OR2A14: variants seen among roughly 807,000 people sequenced by gnomAD.
OR2A14 encodes the protein olfactory receptor family 2 subfamily A member 14.
OR2A14 carries 2 observed loss-of-function variants against 2.4 expected under a neutral mutation model. The observed-to-expected ratio is 0.85, with a 90% CI of 0.35 to 2.67. OR2A14 has a LOEUF of 2.67. Among genes scored for constraint, OR2A14 ranks in the 30% most tolerant of loss-of-function variants. OR2A14 has a pLI of 0.10. For missense variants in OR2A14, 390 were observed against 379.4 expected (o/e 1.03, Z -0.23); for synonymous variants, 160 against 156.3 (o/e 1.02, Z -0.18).
At chr7:144,128,792 A>T (rs1371838704) in intron 1 of OR2A14, among the ~76,000 whole-genome samples, 1 of 152,254 alleles carries the variant, frequency 6.6e-6, no homozygotes, top group African/African-American at 2.4e-5. Context: ...GAGTTCTTCA[A>T]AATAACACAT....
intron 1 of OR2A14, among the ~76,000 whole-genome samples, chr7:144,128,200 C>A (rs1045977122): frequency 6.6e-6 from 1 of 152,104 alleles, no homozygotes; most frequent in Non-Finnish European, 1.5e-5. Flanking sequence ...AGAAAAGAGT[C>A]CAATAAAATA....
intron 1 of OR2A14, among the ~76,000 whole-genome samples, chr7:144,124,079 C>G (rs2051464635): frequency 6.6e-6 from 1 of 152,162 alleles, no homozygotes; most frequent in South Asian, 2.1e-4. Context: ...TGAAGAGGCA[C>G]AGAGAAGTCA....
At position 144,129,289 on chromosome 7, in the gene OR2A14, C is replaced by A; in HGVS notation, c.177C>A (p.Tyr59Ter). 1 of 1,614,216 alleles carries A rather than the reference C, an allele frequency of 6.2e-7. No homozygotes were observed. The highest frequency in any genetic ancestry group is 8.5e-7 in the Non-Finnish European group (1 of 1,180,036). ...CLDCKLHTPMYFFLSHLAIVD... is the reference protein window; with the variant it reads ...CLDCKLHTPM ...ACTGTAAGCTTCACACACCCATGTA[C>A]TTCTTCCTCTCACACCTGGCCATTG... The change falls in exon 2 of 2, where the codon TAC becomes TAA. Residue 59 changes from tyrosine to a stop codon, truncating the protein, a stop_gained. Transcript: ENST00000641068. LOFTEE classifies it low-confidence loss of function (END_TRUNC).
rs752732502 is a variant in OR2A14 at position 144,129,371 on chromosome 7, C to A, written c.259C>A (p.Gln87Lys). The A allele has an allele frequency of 1.9e-6, 3 of 1,614,180 alleles. No homozygotes were observed. Among genetic ancestry groups the A allele is most frequent in the Non-Finnish European group, 2.5e-6 (3 of 1,180,008 alleles). ...CAAGATGCTGACGAATCTTATGAAC[C>A]AGGAAAGCACCATCTCCTTTTTTCC... ...VPKMLTNLMNQESTISFFPCI... is the reference protein window; with the variant it reads ...VPKMLTNLMNKESTISFFPCI... The change falls in exon 2 of 2, where the codon CAG becomes AAG. Residue 87 changes from glutamine (Q) to lysine (K), a missense_variant. By Grantham distance (53) the Gln-to-Lys change is moderately conservative. Coordinates refer to ENST00000641068, the MANE Select transcript of OR2A14 (RefSeq NM_001001659.3).
chr7:144,126,360 T>A (rs1319567012), intron 1 of OR2A14, among the ~76,000 whole-genome samples: 1 of 152,238 alleles, frequency 6.6e-6, no homozygotes, highest in Admixed American at 6.5e-5. Flanking sequence ...TCCTGCTCAC[T>A]ATGGTTCAGG....
chr7:144,130,031 G>A lies in OR2A14; in HGVS notation c.919G>A (p.Glu307Lys). The A allele has an allele frequency of 5.6e-6, 9 of 1,611,846 alleles. No homozygotes were observed. Among genetic ancestry groups the A allele is most frequent in the Non-Finnish European group, 7.6e-6 (9 of 1,178,404 alleles). Residue 307 changes from glutamate (E) to lysine (K), a missense_variant, in exon 2 of 2, where the codon GAG (glutamate) becomes AAG (lysine). Glu to Lys is a moderately conservative substitution (Grantham distance 56). Coordinates refer to ENST00000641068, the MANE Select transcript of OR2A14 (RefSeq NM_001001659.3). ...CGCCCTGAGGAGGGCACTGAGGAAGGAGAGGCTGACGTGAGACATCTCAAA... is the reference window on the plus strand; with the variant it reads ...CGCCCTGAGGAGGGCACTGAGGAAGAAGAGGCTGACGTGAGACATCTCAAA... Reference protein sequence around the residue: ...KGALRRALRKERLT With the variant: ...KGALRRALRKKRLT
At chr7:144,127,749 T>A (rs1273757937) in intron 1 of OR2A14, among the ~76,000 whole-genome samples, 1 of 152,244 alleles carries the variant, frequency 6.6e-6, no homozygotes, top group Non-Finnish European at 1.5e-5. Flanking sequence ...ATTGTTTTTT[T>A]AAAAGTATCC....
At chr7:144,128,952 A>AC in intron 1 of OR2A14, 127 bp from the exon 2 acceptor site, 2 of 605,540 alleles carry the variant, frequency 3.3e-6, no homozygotes, top group African/African-American at 1.9e-5. Flanking sequence ...ATACAATGCG[A>AC]TTTTTTCTCA....
Position 144,129,481 on chromosome 7 carries a change from G to A in OR2A14, c.369G>A (p.Ala123=), listed in dbSNP as rs369022856. 4.2e-5 allele frequency: 67 copies of A among 1,613,956 alleles called. No homozygotes were observed. Among genetic ancestry groups the A allele is most frequent in the Non-Finnish European group, 5.1e-5 (60 of 1,179,994 alleles). ...ILVVMSYDRY[A]DICHPLRYNS... is the part of the protein sequence containing the mutation. ...TGGTGATGTCCTATGATCGCTATGC[G>A]GACATCTGCCACCCCTTACGTTACA... Residue 123 remains alanine, a synonymous_variant, in exon 2 of 2, where the codon GCG becomes GCA. Transcript: ENST00000641068.
chr7:144,128,017 C>T (rs1270744464), intron 1 of OR2A14, among the ~76,000 whole-genome samples: 2 of 152,124 alleles, frequency 1.3e-5, no homozygotes, highest in Admixed American at 6.5e-5. Context: ...CAGATTCCAT[C>T]TGAACAGCAA....
At chr7:144,124,230 A>C (rs923143892) in intron 1 of OR2A14, among the ~76,000 whole-genome samples, 2 of 152,154 alleles carry the variant, frequency 1.3e-5, no homozygotes, top group African/African-American at 4.8e-5. Flanking sequence ...TGGGAGGCCA[A>C]GGCAGGCAGA....
At position 144,129,779 on chromosome 7, in the gene OR2A14, G is replaced by A. The variant is rs565673957; in HGVS notation, c.667G>A (p.Ala223Thr). The A allele has an allele frequency of 2.5e-6, 4 of 1,613,978 alleles. No individual in the cohort carries two copies. The highest frequency in any genetic ancestry group is 2.2e-5 in the East Asian group (1 of 44,872). ...GGTCTCCTACTTGCGCATCCTGGCCGCCATCTTGAGGATCCAGTCTGGGGA... is the reference window on the plus strand; with the variant it reads ...GGTCTCCTACTTGCGCATCCTGGCCACCATCTTGAGGATCCAGTCTGGGGA... ...VLVSYLRILAAILRIQSGEGR... is the reference protein window; with the variant it reads ...VLVSYLRILATILRIQSGEGR... The change falls in exon 2 of 2, where the codon GCC becomes ACC. Residue 223 changes from alanine (A) to threonine (T), a missense_variant. Ala to Thr is a moderately conservative substitution (Grantham distance 58). Transcript: ENST00000641068.
rs1406764 is a variant in OR2A14, at chr7:144,123,260, G to C, written c.-39G>C. On this transcript the variant is annotated 5_prime_UTR_variant, in exon 1 of 2. Transcript: ENST00000641068. ...TTAGAAGAAAAGACCACAGATTATTGTACTGTAAGTAAATGTGGTGTATTT... is the reference window on the plus strand; with the variant it reads ...TTAGAAGAAAAGACCACAGATTATTCTACTGTAAGTAAATGTGGTGTATTT... 57,607 of 152,022 alleles carry C rather than the reference G, an allele frequency of 0.38. 11,730 individuals carry two copies. Among genetic ancestry groups the C allele is most frequent in the East Asian group, 0.74 (3,832 of 5,168 alleles). The allele number at this position is 152,022 out of a possible 1,614,324, so 9.4% of individuals were successfully genotyped here.
intron 1 of OR2A14, among the ~76,000 whole-genome samples, chr7:144,128,239 T>C (rs1343364737): frequency 2.0e-5 from 3 of 152,246 alleles, no homozygotes; most frequent in Non-Finnish European, 4.4e-5. Flanking sequence ...CATCTTTAAA[T>C]GTAACCACTT....
At chr7:144,126,408 C>A (rs59841579) in intron 1 of OR2A14, among the ~76,000 whole-genome samples, 1 of 152,074 alleles carries the variant, frequency 6.6e-6, no homozygotes, top group Non-Finnish European at 1.5e-5. Context: ...CAGAACTCAC[C>A]AAGTGCATCT....
intron 1 of OR2A14, among the ~76,000 whole-genome samples, chr7:144,126,399 A>G (rs2051483441): frequency 6.6e-6 from 1 of 152,192 alleles, no homozygotes; most frequent in South Asian, 2.1e-4. Context: ...TTCTCTTCCC[A>G]GAACTCACCA....
rs2051522421 is a variant in OR2A14 at position 144,130,269 on chromosome 7, A to G, written c.*224A>G. On this transcript the variant is annotated 3_prime_UTR_variant, in exon 2 of 2. Coordinates refer to ENST00000641068, the MANE Select transcript of OR2A14 (RefSeq NM_001001659.3). ...AAAGAAGACACAAAAGTCCCTAGATATAAAATTTTTAAGTTCGATAAATAT... is the reference window on the plus strand; with the variant it reads ...AAAGAAGACACAAAAGTCCCTAGATGTAAAATTTTTAAGTTCGATAAATAT... The G allele has an allele frequency of 2.6e-6, 1 of 389,362 alleles. No individual in the cohort carries two copies. The highest frequency in any genetic ancestry group is 4.5e-6 in the Non-Finnish European group (1 of 220,836). The allele number at this position is 389,362 out of a possible 1,614,324, so 24.1% of individuals were successfully genotyped here. A position where few individuals can be genotyped will look rare whatever the true frequency, so the allele number is the denominator to read the frequency against.
intron 1 of OR2A14, among the ~76,000 whole-genome samples, chr7:144,123,852 CT>C (rs35480224): frequency 0.041 from 6,155 of 149,456 alleles, 400 homozygotes; most frequent in African/African-American, 0.14. Context: ...TACAGGTTCT[CT>C]TTTTTTTTTC....
intron 1 of OR2A14, among the ~76,000 whole-genome samples, chr7:144,127,150 A>G (rs2051487533): frequency 6.6e-6 from 1 of 152,248 alleles, no homozygotes; most frequent in Non-Finnish European, 1.5e-5. Context: ...GAATGTGTTT[A>G]CATCATCCAC....
Sources: gnomAD v4.1 joint callset for allele counts (sites outside exome capture counted in the v4.1 genomes callset) on GRCh38, gnomAD v4.1.1 for gene constraint, MANE v1.5 for transcripts, NCBI Gene and HGNC (gene_info 2026-07-23, HGNC 2026-07-21) for gene names.